Variants in CLDN14 observed in about 807,000 individuals in gnomAD.
CLDN14 encodes the protein claudin 14.
In CLDN14, 2 loss-of-function variants were observed where a neutral mutation model predicts 2.1. That is an observed-to-expected ratio of 0.96 (90% CI 0.39 to 3.01). CLDN14 has a LOEUF of 3.01. Ranked by LOEUF, CLDN14 falls within the 30% of genes most tolerant of loss-of-function variation. CLDN14 has a pLI of 0.09. For synonymous variants in CLDN14, 136 were observed against 154.4 expected, an observed-to-expected ratio of 0.88 and a Z score of 0.88; for missense variants, 298 against 328.0, an observed-to-expected ratio of 0.91 and a Z score of 0.71.
chr21:36,505,519 G>C (rs2087125017), intron 2 of CLDN14, among the ~76,000 whole-genome samples: 1 of 152,180 alleles, frequency 6.6e-6, no homozygotes, highest in Non-Finnish European at 1.5e-5. Flanking sequence ...GAGCTAAAAA[G>C]AAATCCTAAG....
chr21:36,571,871 A>G (rs2087712317), intron 1 of CLDN14, among the ~76,000 whole-genome samples: 1 of 152,194 alleles, frequency 6.6e-6, no homozygotes, highest in African/African-American at 2.4e-5. Context: ...TAAGGTATGA[A>G]AGGTAAAGGT....
intron 1 of CLDN14, among the ~76,000 whole-genome samples, chr21:36,471,933 A>C (rs538663024): frequency 6.6e-6 from 1 of 152,148 alleles, no homozygotes; most frequent in Non-Finnish European, 1.5e-5. Context: ...CTGTAAATTT[A>C]GCCTTTGAAG....
intron 2 of CLDN14, among the ~76,000 whole-genome samples, chr21:36,504,971 C>T (rs569381057): frequency 1.1e-3 from 160 of 152,194 alleles, no homozygotes; most frequent in Middle Eastern, 3.4e-3. Flanking sequence ...GGGCATTGAC[C>T]CAGGCCCTCC....
intron 2 of CLDN14, among the ~76,000 whole-genome samples, chr21:36,506,330 C>T (rs2087132233): frequency 6.6e-6 from 1 of 152,188 alleles, no homozygotes; most frequent in African/African-American, 2.4e-5. Flanking sequence ...GGTACGGTGG[C>T]TCATGCCTGT....
chr21:36,521,294 A>G (rs9305588), intron 1 of CLDN14, among the ~76,000 whole-genome samples: 151,614 of 152,246 alleles, frequency 1, 75,511 homozygotes, highest in Middle Eastern at 1. Flanking sequence ...AAAGCACGTG[A>G]CCCCTTCTGG....
At chr21:36,570,916 A>C (rs530275726) in intron 1 of CLDN14, among the ~76,000 whole-genome samples, 30 of 152,320 alleles carry the variant, frequency 2.0e-4, no homozygotes, top group Middle Eastern at 3.4e-3. Context: ...ATCTTAGCTC[A>C]CTGCAACCTC....
At chr21:36,469,209 G>A (rs938641082) in intron 1 of CLDN14, among the ~76,000 whole-genome samples, 5 of 152,200 alleles carry the variant, frequency 3.3e-5, no homozygotes, top group East Asian at 1.9e-4. Context: ...TGATGAGAAA[G>A]CGATCAAGCA....
At chr21:36,486,547 A>G in intron 2 of CLDN14, 3 of 1,560,246 alleles carry the variant, frequency 1.9e-6, no homozygotes, top group Non-Finnish European at 2.7e-6. Context: ...AAATCGGAGA[A>G]CTGATGAGAG....
chr21:36,487,190 G>T, intron 2 of CLDN14: 1 of 196,068 alleles, frequency 5.1e-6, no homozygotes, highest in Non-Finnish European at 1.0e-5. Context: ...TTACCATGTT[G>T]GTCAGGCTGG....
chr21:36,528,977 C>T (rs190750443), intron 1 of CLDN14, among the ~76,000 whole-genome samples: 1 of 152,312 alleles, frequency 6.6e-6, no homozygotes, highest in Non-Finnish European at 1.5e-5. Context: ...AGGGGGTCAC[C>T]TGCCCAGGAG....
chr21:36,463,518 C>T (rs763062893), intron 1 of CLDN14, among the ~76,000 whole-genome samples: 8 of 152,186 alleles, frequency 5.3e-5, no homozygotes, highest in Non-Finnish European at 1.2e-4. Context: ...TTGAGACCAG[C>T]CTGGCCAACA....
At chr21:36,508,116 G>A (rs1170449018) in intron 2 of CLDN14, among the ~76,000 whole-genome samples, 3 of 152,156 alleles carry the variant, frequency 2.0e-5, no homozygotes, top group African/African-American at 4.8e-5. Flanking sequence ...GCTCTTGGCC[G>A]AAGAGTATTC....
intron 1 of CLDN14, among the ~76,000 whole-genome samples, chr21:36,511,496 T>G (rs60231729): frequency 0.011 from 1,645 of 152,268 alleles, 30 homozygotes; most frequent in African/African-American, 0.037. Flanking sequence ...ACAAAAAGTT[T>G]CCTCTTGTGT....
At chr21:36,531,212 G>A (rs1462551415) in intron 1 of CLDN14, among the ~76,000 whole-genome samples, 1 of 151,946 alleles carries the variant, frequency 6.6e-6, no homozygotes, top group Non-Finnish European at 1.5e-5. Flanking sequence ...TGGGTGAAGA[G>A]TGAGACCCTG....
chr21:36,500,961 C>T (rs2087086996), intron 2 of CLDN14, among the ~76,000 whole-genome samples: 1 of 152,244 alleles, frequency 6.6e-6, no homozygotes, highest in Admixed American at 6.5e-5. Flanking sequence ...GATTAGATCG[C>T]ATTTAATGAT....
chr21:36,478,530 A>T (rs1433040102), intron 1 of CLDN14, among the ~76,000 whole-genome samples: 1 of 152,238 alleles, frequency 6.6e-6, no homozygotes, highest in African/African-American at 2.4e-5. Flanking sequence ...TCATCCTAAC[A>T]GATAAGCCCG....
intron 2 of CLDN14, among the ~76,000 whole-genome samples, chr21:36,492,303 G>A (rs930744239): frequency 2.8e-5 from 4 of 142,962 alleles, no homozygotes; most frequent in Admixed American, 6.8e-5. Context: ...GCGCGGTGGC[G>A]GGCGCCTGTA....
intron 2 of CLDN14, chr21:36,486,756 T>G (rs2086901915): frequency 2.2e-6 from 2 of 901,208 alleles, no homozygotes; most frequent in Admixed American, 3.8e-5. Context: ...CCTTTGGGCT[T>G]CCCACGAAGG....
intron 1 of CLDN14, among the ~76,000 whole-genome samples, chr21:36,570,561 G>C (rs1287924179): frequency 6.6e-6 from 1 of 152,116 alleles, no homozygotes; most frequent in Non-Finnish European, 1.5e-5. Context: ...AACAAGGACG[G>C]CAAACAAAAT....
Sources: allele counts gnomAD v4.1 joint callset (sites outside exome capture counted in the v4.1 genomes callset), GRCh38; gene constraint gnomAD v4.1.1; transcripts MANE v1.5; gene names NCBI Gene and HGNC (gene_info 2026-07-23, HGNC 2026-07-21).